EXPH5: variants seen among roughly 807,000 people sequenced by gnomAD.
EXPH5 encodes the protein exophilin 5.
A neutral mutation model predicts 41.1 loss-of-function variants in EXPH5; 42 were observed. The ratio of observed to expected loss-of-function variants is 1.02; its 90% CI spans 0.80 to 1.32. The LOEUF is 1.32. Among genes scored for constraint, EXPH5 ranks in the 40% most tolerant of loss-of-function variants. The probability of loss-of-function intolerance (pLI) is 0.00; values close to 1 mark genes in which losing one functional copy is unlikely to be tolerated. For synonymous variants in EXPH5, 798 were observed against 833.5 expected (o/e 0.96, Z 0.73); for missense variants, 2,298 against 2,314.5 (o/e 0.99, Z 0.15).
At position 108,528,275 on chromosome 11, in the gene EXPH5, A is replaced by G; in HGVS notation, c.444-91T>C. ...ACAGCACATTTGCCATAAGATTTTG[A>G]CACCTTGAGAAGATCTATTTCTAAT... On this transcript the variant is annotated intron_variant, in intron 3 of 5. Transcript: ENST00000265843. The G allele has an allele frequency of 3.6e-6, 3 of 824,486 alleles. No individual in the cohort carries two copies. In the South Asian group the frequency reaches 4.4e-5, roughly 12 times the overall value. 51.1% of individuals were successfully genotyped at this position (824,486 alleles called of 1,614,324 possible). A position where few individuals can be genotyped will look rare whatever the true frequency, so the allele number is the denominator to read the frequency against.
chr11:108,584,120 C>A (rs928217783), intron 1 of EXPH5, among the ~76,000 whole-genome samples: 1 of 152,114 alleles, frequency 6.6e-6, no homozygotes, highest in African/African-American at 2.4e-5. Context: ...AGAATAAAAT[C>A]GGATGGCTTA....
rs755955627 is a variant in EXPH5 at position 108,511,499 on chromosome 11, AT to A, written c.4007del (p.Asn1336IlefsTer5). 6.3e-6 allele frequency: 10 copies of A among 1,591,488 alleles called. No individual in the cohort carries two copies. The Admixed American group carries it at 1.3e-4, about 20-fold the overall frequency. ...GTAATGTAGGAGCTAGGGGCCCCCT[AT>A]TTGATAATCGGAAGGCAGTCATATT... ...TENMTAFRLSNRGPLAPTLQE... is the reference protein window; with the variant it reads ...TENMTAFRLSXRGPLAPTLQE... On this transcript the variant is annotated frameshift_variant, in exon 6 of 6. Transcript: ENST00000265843. LOFTEE classifies it low-confidence loss of function (END_TRUNC).
At chr11:108,532,562 T>TTTA (rs1194663041) in intron 3 of EXPH5, among the ~76,000 whole-genome samples, 5 of 150,894 alleles carry the variant, frequency 3.3e-5, no homozygotes, top group Non-Finnish European at 7.4e-5. Flanking sequence ...AATGAAACTA[T>TTTA]TAATAGATAA....
Position 108,593,640 on chromosome 11 carries a change from C to A in EXPH5, c.-104G>T. On this transcript the variant is annotated 5_prime_UTR_variant, in exon 1 of 6. Transcript: ENST00000265843. ...CAGTTTCACGAACTTGATCCCACAG[C>A]CAATAATAAGTCCGCCCCTTTGAAA... The A allele has an allele frequency of 6.3e-7, 1 of 1,596,612 alleles. No homozygotes were observed.
intron 1 of EXPH5, among the ~76,000 whole-genome samples, chr11:108,559,791 G>A (rs1001999283): frequency 6.6e-6 from 1 of 152,212 alleles, no homozygotes; most frequent in African/African-American, 2.4e-5. Context: ...TTAAAGGAAA[G>A]TGATGCTCCT....
At position 108,532,367 on chromosome 11, in the gene EXPH5, T is replaced by TATATATATATATATATA. The variant is rs61454000; in HGVS notation, c.444-4184_444-4183insTATATATATATATATAT. On this transcript the variant is annotated intron_variant, in intron 3 of 5. Transcript: ENST00000265843. ...ATATATATATATATATATATATATA[T>TATATATATATATATATA]TTTTTTTTTTTTTTTTTTTTTTTTT... Among the ~76,000 whole-genome samples the TATATATATATATATATA allele has an allele frequency of 5.6e-3, 114 of 20,186 alleles. 6 individuals are homozygous for TATATATATATATATATA. The highest frequency in any genetic ancestry group is 6.1e-3 in the Non-Finnish European group (81 of 13,208). The allele number at this position is 20,186 out of a possible 152,430, so 13.2% of individuals were successfully genotyped here.
rs765584375 is a variant in EXPH5 at position 108,511,240 on chromosome 11, C to G, written c.4267G>C (p.Gly1423Arg). ...GAAAGAGCTGGAAGACTAGAGGGAC[C>G]ACTGTTACTTGAATTAATGGATTGT... ...CQQSINSSNS[G>R]PSSLPALSEV... The change falls in exon 6 of 6, where the codon GGT (glycine) becomes CGT (arginine). Residue 1423 changes from glycine (G) to arginine (R), a missense_variant. Transcript: ENST00000265843. The G allele has an allele frequency of 1.1e-5, 18 of 1,607,646 alleles. No homozygotes were observed. Among genetic ancestry groups the G allele is most frequent in the Non-Finnish European group, 1.4e-5 (16 of 1,178,608 alleles).
chr11:108,522,251 A>T (rs2093769880), intron 4 of EXPH5, among the ~76,000 whole-genome samples: 1 of 152,182 alleles, frequency 6.6e-6, no homozygotes, highest in Non-Finnish European at 1.5e-5. Context: ...CTAAAGATTG[A>T]AAATTATCAC....
rs1352054891 is a variant in EXPH5 at position 108,514,433 on chromosome 11, C to T, written c.1074G>A (p.Arg358=). 1.2e-6 allele frequency: 2 copies of T among 1,614,036 alleles called. No homozygotes were observed. The highest frequency in any genetic ancestry group is 3.3e-5 in the Admixed American group (2 of 60,018). Residue 358 remains arginine (R), a synonymous_variant, in exon 6 of 6, where the codon AGG becomes AGA. Transcript: ENST00000265843. ...GAGTTCTCTTTGGACTCTGCTGGTG[C>T]CTTGGTGGTATAAACCCACTCTTGC... The part of the protein sequence containing the change: ...TQSKSGFIPP[R]HQQSPKRTPL...
chr11:108,570,576 C>T (rs1243333291), intron 1 of EXPH5, among the ~76,000 whole-genome samples: 1 of 152,162 alleles, frequency 6.6e-6, no homozygotes, highest in Non-Finnish European at 1.5e-5. Flanking sequence ...GATAAGATCT[C>T]ACTCTGTTGC....
At chr11:108,588,416 G>A (rs530809725) in intron 1 of EXPH5, among the ~76,000 whole-genome samples, 68 of 152,312 alleles carry the variant, frequency 4.5e-4, no homozygotes, top group African/African-American at 1.6e-3. Flanking sequence ...GATGGGCCAG[G>A]TGAGGAAAGT....
At position 108,509,194 on chromosome 11, in the gene EXPH5, G is replaced by T. The variant is rs145932312; in HGVS notation, c.*343C>A. On this transcript the variant is annotated 3_prime_UTR_variant, in exon 6 of 6. Transcript: ENST00000265843. ...GTTTTGTATGTGCCTGGGATATTAG[G>T]GTTGTAAATCACAATTAAAGATGAA... 40 of 186,274 alleles carry T rather than the reference G, an allele frequency of 2.1e-4. No individual in the cohort carries two copies. The highest frequency in any genetic ancestry group is 9.2e-4 in the African/African-American group (39 of 42,590). The allele number at this position is 186,274 out of a possible 1,614,324, so 11.5% of individuals were successfully genotyped here.
intron 4 of EXPH5, among the ~76,000 whole-genome samples, chr11:108,527,191 G>A (rs898182757): frequency 2.0e-5 from 3 of 152,010 alleles, no homozygotes; most frequent in East Asian, 1.9e-4. Flanking sequence ...GTGGTGGTGA[G>A]GGCCTGCAAT....
At chr11:108,544,509 C>T (rs2136040399) in intron 1 of EXPH5, among the ~76,000 whole-genome samples, 1 of 152,336 alleles carries the variant, frequency 6.6e-6, no homozygotes, top group East Asian at 1.9e-4. Context: ...CTTAATCGTA[C>T]CTCAAGCTTT....
chr11:108,594,149 C>T (rs951221382), upstream of EXPH5, among the ~76,000 whole-genome samples: 1 of 152,044 alleles, frequency 6.6e-6, no homozygotes. Flanking sequence ...TCTGAAAGAC[C>T]AGGAAGAACT....
At chr11:108,540,140 G>A (rs1354701690) in intron 2 of EXPH5, among the ~76,000 whole-genome samples, 4 of 152,046 alleles carry the variant, frequency 2.6e-5, no homozygotes, top group Non-Finnish European at 5.9e-5. Flanking sequence ...GGCCAACATG[G>A]AGAAACCCCG....
intron 1 of EXPH5, among the ~76,000 whole-genome samples, chr11:108,573,049 C>CA (rs1001286455): frequency 2.4e-5 from 3 of 125,882 alleles, no homozygotes; most frequent in Non-Finnish European, 3.4e-5. Flanking sequence ...GAACTTGTCT[C>CA]AAAAAAATGT....
chr11:108,523,366 C>G (rs1163798987), intron 4 of EXPH5, among the ~76,000 whole-genome samples: 1 of 152,168 alleles, frequency 6.6e-6, no homozygotes, highest in Admixed American at 6.5e-5. Context: ...TATGGTGGCA[C>G]TGGCTACTCA....
chr11:108,544,317 G>A (rs1243618779), intron 1 of EXPH5, among the ~76,000 whole-genome samples: 2 of 152,070 alleles, frequency 1.3e-5, no homozygotes, highest in East Asian at 3.9e-4. Flanking sequence ...AGCCTCCCCA[G>A]TAGCTGGGAC....
Sources: gnomAD v4.1 joint callset for allele counts (sites outside exome capture counted in the v4.1 genomes callset) on GRCh38, gnomAD v4.1.1 for gene constraint, MANE v1.5 for transcripts, NCBI Gene and HGNC (gene_info 2026-07-23, HGNC 2026-07-21) for gene names.